Variants in TLK1 observed in about 807,000 individuals in gnomAD.
The protein encoded by TLK1 is serine/threonine-protein kinase tousled-like 1.
In TLK1, 24 loss-of-function variants were observed where a neutral mutation model predicts 105.3. The ratio of observed to expected loss-of-function variants is 0.23; its 90% CI spans 0.17 to 0.32. The LOEUF (loss-of-function observed/expected upper bound fraction) is 0.32. TLK1 is among the 10% of genes least tolerant of loss of function. The pLI is 1.00. For missense variants in TLK1, 558 were observed against 910.5 expected (o/e 0.61, Z 4.98); for synonymous variants, 321 against 310.4 (o/e 1.03, Z -0.36).
intron 11 of TLK1, among the ~76,000 whole-genome samples, chr2:171,035,459 G>A (rs549764773): frequency 4.1e-4 from 63 of 152,174 alleles, no homozygotes; most frequent in Middle Eastern, 3.4e-3. Context: ...CCAACCACGC[G>A]GAACTGTTAA....
At chr2:171,155,584 G>A (rs1692202100) in intron 1 of TLK1, 1 of 152,170 alleles carries the variant, frequency 6.6e-6, no homozygotes, top group South Asian at 2.1e-4. Flanking sequence ...ATCACAGAAT[G>A]TTTACATTTT....
At chr2:171,119,039 C>T (rs1056610614) in intron 1 of TLK1, among the ~76,000 whole-genome samples, 1 of 152,154 alleles carries the variant, frequency 6.6e-6, no homozygotes, top group East Asian at 1.9e-4. Context: ...TTGCTTTTGA[C>T]CTCACTCCTT....
At chr2:171,229,574 T>C (rs1307955832) in intron 1 of TLK1, among the ~76,000 whole-genome samples, 1 of 152,212 alleles carries the variant, frequency 6.6e-6, no homozygotes, top group Admixed American at 6.5e-5. Flanking sequence ...TTGACCCTGA[T>C]GAGCTACTGG....
chr2:171,033,389 TAG>T (rs1477441146), intron 11 of TLK1, among the ~76,000 whole-genome samples: 1 of 151,120 alleles, frequency 6.6e-6, no homozygotes, highest in Non-Finnish European at 1.5e-5. Flanking sequence ...TTCATGGAGA[TAG>T]AGAGTAGGAT....
chr2:171,160,185 G>C lies in TLK1; in HGVS notation c.139+105C>G. On this transcript the variant is annotated intron_variant, in intron 1 of 20. Transcript: ENST00000431350. The surrounding 1 kb of genome is among the most constrained non-coding windows in gnomAD (Gnocchi z 4.4). ...ACCTCGCCACCATCCCCCACCCCAGGGTCTGGCGGAGAAGCCCCGGGGCGG... is the reference window on the plus strand; with the variant it reads ...ACCTCGCCACCATCCCCCACCCCAGCGTCTGGCGGAGAAGCCCCGGGGCGG... 4 of 1,223,974 alleles carry C rather than the reference G, an allele frequency of 3.3e-6. No individual in the cohort carries two copies. Among genetic ancestry groups the C allele is most frequent in the Non-Finnish European group, 4.1e-6 (4 of 966,258 alleles). The allele number at this position is 1,223,974 out of a possible 1,614,324, so 75.8% of individuals were successfully genotyped here. A position where few individuals can be genotyped will look rare whatever the true frequency, so the allele number is the denominator to read the frequency against.
rs561931228 is a variant in TLK1 at position 171,129,830 on chromosome 2, A to C, written c.140-11973T>G. Among the ~76,000 whole-genome samples, 325 of 142,686 alleles carry C rather than the reference A, an allele frequency of 2.3e-3. 1 individual carries two copies. Among genetic ancestry groups the C allele is most frequent in the South Asian group, 4.5e-3 (19 of 4,254 alleles). The allele number at this position is 142,686 out of a possible 152,430, so 93.6% of individuals were successfully genotyped here. ...AGCCTGGGATATAGATAGGTTACCA[A>C]ATAACATAACATAACATAACATAAC... On this transcript the variant is annotated intron_variant, in intron 1 of 20. Coordinates refer to ENST00000431350, the MANE Select transcript of TLK1 (RefSeq NM_012290.5).
rs867189334 is a variant in TLK1 at position 171,055,125 on chromosome 2, G to C, written c.597C>G (p.His199Gln). ...ATAATTGCTTTGGTTGTACAATAGG[G>C]TGGTCCCCAAATGCTAATGCAGTAG... ...PSPTALAFGD[H>Q]PIVQPKQLSF... Residue 199 changes from histidine (H) to glutamine (Q), a missense_variant, in exon 7 of 21, where the codon CAC becomes CAG. His to Gln is a conservative substitution (Grantham distance 24). Coordinates refer to ENST00000431350, the MANE Select transcript of TLK1 (RefSeq NM_012290.5). The C allele has an allele frequency of 2.0e-6, 3 of 1,503,282 alleles. No homozygotes were observed. Among genetic ancestry groups the C allele is most frequent in the Non-Finnish European group, 2.6e-6 (3 of 1,133,064 alleles). The allele number at this position is 1,503,282 out of a possible 1,614,324, so 93.1% of individuals were successfully genotyped here. A position where few individuals can be genotyped will look rare whatever the true frequency, so the allele number is the denominator to read the frequency against.
chr2:171,033,453 G>A (rs1559354841), intron 11 of TLK1, among the ~76,000 whole-genome samples: 1 of 151,858 alleles, frequency 6.6e-6, no homozygotes, highest in Non-Finnish European at 1.5e-5. Context: ...AAAAGGTGGG[G>A]TTGGTTAATG....
At chr2:171,082,042 C>CACAT (rs1339371456) in intron 3 of TLK1, among the ~76,000 whole-genome samples, 1 of 151,848 alleles carries the variant, frequency 6.6e-6, no homozygotes, top group Non-Finnish European at 1.5e-5. Flanking sequence ...CACACACACA[C>CACAT]ACACACACAC....
At chr2:171,052,410 T>C (rs928786805) in intron 8 of TLK1, among the ~76,000 whole-genome samples, 1 of 152,218 alleles carries the variant, frequency 6.6e-6, no homozygotes, top group Non-Finnish European at 1.5e-5. Flanking sequence ...CCTGAAGACA[T>C]GTACAAAGAA....
At chr2:171,038,125 A>C (rs866191673) in intron 11 of TLK1, among the ~76,000 whole-genome samples, 17 of 152,196 alleles carry the variant, frequency 1.1e-4, no homozygotes, top group Admixed American at 5.2e-4. Flanking sequence ...CAAAGATTTC[A>C]AATTTAAGCA....
chr2:171,102,094 T>A (rs1334490211), intron 2 of TLK1, among the ~76,000 whole-genome samples: 1 of 152,214 alleles, frequency 6.6e-6, no homozygotes, highest in Admixed American at 6.5e-5. Context: ...TTATACAGAC[T>A]GCATTGCATA....
chr2:171,186,927 G>A (rs1010458060), intron 1 of TLK1, among the ~76,000 whole-genome samples: 14 of 151,246 alleles, frequency 9.3e-5, no homozygotes, highest in South Asian at 4.2e-4. Flanking sequence ...GCGTGGTGGC[G>A]GTTGCCTGTA....
At chr2:171,194,796 G>C (rs998107684) in intron 1 of TLK1, among the ~76,000 whole-genome samples, 2 of 141,938 alleles carry the variant, frequency 1.4e-5, no homozygotes, top group African/African-American at 5.2e-5. Flanking sequence ...CAGCCTGGGC[G>C]ACAGAGCGAG....
rs1683804946 is a variant in TLK1 at position 170,991,985 on chromosome 2, T to C, written c.*1795A>G. ...AACCACTCTTGATGGTTCTAAGTGT[T>C]ACTTACCCAGGAGTTGCCTTGATAA... On this transcript the variant is annotated 3_prime_UTR_variant, in exon 21 of 21. Transcript: ENST00000431350. 1 of 152,158 alleles carries C rather than the reference T, an allele frequency of 6.6e-6. No homozygotes were observed. The highest frequency in any genetic ancestry group is 1.5e-5 in the Non-Finnish European group (1 of 68,000). The allele number at this position is 152,158 out of a possible 1,614,324, so 9.4% of individuals were successfully genotyped here. A position where few individuals can be genotyped will look rare whatever the true frequency, so the allele number is the denominator to read the frequency against.
chr2:170,999,102 A>G (rs1161486041), intron 18 of TLK1, among the ~76,000 whole-genome samples: 2 of 152,216 alleles, frequency 1.3e-5, no homozygotes, highest in Admixed American at 6.5e-5. Context: ...GTAAAAATCA[A>G]TTTGTCATCT....
intron 1 of TLK1, among the ~76,000 whole-genome samples, chr2:171,212,865 T>G (rs1693644913): frequency 1.4e-5 from 2 of 148,108 alleles, no homozygotes; most frequent in African/African-American, 5.0e-5. Context: ...CATGAAGAAA[T>G]AAGAGGAAAA....
At chr2:171,195,352 A>C (rs1249304798) in intron 1 of TLK1, among the ~76,000 whole-genome samples, 2 of 151,968 alleles carry the variant, frequency 1.3e-5, no homozygotes, top group African/African-American at 2.4e-5. Context: ...AACTACAAAA[A>C]ATTAGCCGGG....
At chr2:171,076,766 C>T (rs1688530645) in intron 3 of TLK1, among the ~76,000 whole-genome samples, 1 of 150,050 alleles carries the variant, frequency 6.7e-6, no homozygotes, top group African/African-American at 2.5e-5. Context: ...ACAAAAAAAT[C>T]AGCCAGGCGT....
Sources: allele counts gnomAD v4.1 joint callset (sites outside exome capture counted in the v4.1 genomes callset), GRCh38; gene constraint gnomAD v4.1.1; non-coding constraint Gnocchi (gnomAD v3.1); transcripts MANE v1.5; gene names NCBI Gene and HGNC (gene_info 2026-07-23, HGNC 2026-07-21).